The following CNNM1 variants were observed in gnomAD, a reference collection of about 807,000 sequenced individuals.
CNNM1 encodes cyclin and CBS domain divalent metal cation transport mediator 1.
A neutral mutation model predicts 78.8 loss-of-function variants in CNNM1; 44 were observed. That is an observed-to-expected ratio of 0.56 (90% CI 0.44 to 0.72). CNNM1 has a LOEUF of 0.72. CNNM1 is among the 30% of genes least tolerant of loss of function. The pLI, the probability that CNNM1 is intolerant of heterozygous loss-of-function variation, is 0.00. For missense variants in CNNM1, 1,101 were observed against 1,292.2 expected, an observed-to-expected ratio of 0.85 and a Z score of 2.27; for synonymous variants, 584 against 581.5, an observed-to-expected ratio of 1.00 and a Z score of -0.06.
chr10:99,364,750 C>T (rs2031555853), intron 5 of CNNM1, among the ~76,000 whole-genome samples: 1 of 152,090 alleles, frequency 6.6e-6, no homozygotes, highest in Non-Finnish European at 1.5e-5. Context: ...GTAATATTGT[C>T]AAGTGTTAGG....
At chr10:99,368,796 C>A in intron 6 of CNNM1, 2 of 616,586 alleles carry the variant, frequency 3.2e-6, no homozygotes, top group Non-Finnish European at 5.3e-6. Flanking sequence ...ACTCCTGTGA[C>A]TAAGGCATAG....
At position 99,329,522 on chromosome 10, in the gene CNNM1, G is replaced by A. The variant is rs942126643; in HGVS notation, c.135G>A (p.Leu45=). The change falls in exon 1 of 11, where the codon CTG becomes CTA. Residue 45 remains leucine (L), a synonymous_variant. Coordinates refer to ENST00000356713, the MANE Select transcript of CNNM1 (RefSeq NM_020348.3). ...PPAAAAWLLG[L]RPEDTAGGRV... ...CCGCCGCCGCCTGGCTGCTGGGCCT[G>A]CGGCCCGAGGACACTGCTGGAGGCC... is the stretch of plus-strand genomic sequence containing the variant. 11 of 1,509,838 alleles carry A rather than the reference G, an allele frequency of 7.3e-6. No individual in the cohort carries two copies. In the African/African-American group the frequency reaches 1.4e-4, roughly 20 times the overall value. The allele number at this position is 1,509,838 out of a possible 1,614,324, so 93.5% of individuals were successfully genotyped here.
rs1355852560 is a variant in CNNM1, at chr10:99,377,202, A to G, written c.2324A>G (p.Asp775Gly). The G allele has an allele frequency of 6.2e-7, 1 of 1,613,616 alleles. No homozygotes were observed. The highest frequency in any genetic ancestry group is 1.1e-5 in the South Asian group (1 of 90,924). The stretch of plus-strand genomic sequence containing the variant: ...GACTACTCAGTCCACATCCTCAGCG[A>G]TGTGCAGTTTGTGAAGGTAACTCCC... ...MPDYSVHILS[D>G]VQFVKITRQQ... Residue 775 changes from aspartate (D) to glycine (G), a missense_variant, in exon 7 of 11, where the codon GAT becomes GGT. Coordinates refer to ENST00000356713, the MANE Select transcript of CNNM1 (RefSeq NM_020348.3).
At chr10:99,365,203 T>C (rs2031573820) in intron 6 of CNNM1, 1 of 663,762 alleles carries the variant, frequency 1.5e-6, no homozygotes, top group African/African-American at 1.8e-5. Context: ...GTGTCTGGAA[T>C]GTTTTCTGCT....
intron 7 of CNNM1, among the ~76,000 whole-genome samples, chr10:99,381,473 G>T (rs183355566): frequency 7.0e-6 from 1 of 143,470 alleles, no homozygotes; most frequent in East Asian, 2.1e-4. Flanking sequence ...CAGGCGCGGT[G>T]GCTCACACCT....
At position 99,330,565 on chromosome 10, in the gene CNNM1, C is replaced by A; in HGVS notation, c.1178C>A (p.Thr393Lys). The A allele has an allele frequency of 6.2e-7, 1 of 1,607,224 alleles. No homozygotes were observed. The highest frequency in any genetic ancestry group is 8.5e-7 in the Non-Finnish European group (1 of 1,176,932). The change falls in exon 1 of 11, where the codon ACG becomes AAG. Residue 393 changes from threonine (T) to lysine (K), a missense_variant. Thr to Lys is a moderately conservative substitution (Grantham distance 78). Transcript: ENST00000356713. ...CGCCAGGAGATAAGCACCTTCTACA[C>A]GCGGGAGAAGTTGCTGGAGACGTTG... ...ALRQEISTFY[T>K]REKLLETLRA...
chr10:99,384,313 A>G (rs2032243411), intron 7 of CNNM1, among the ~76,000 whole-genome samples: 1 of 152,224 alleles, frequency 6.6e-6, no homozygotes, highest in Non-Finnish European at 1.5e-5. Flanking sequence ...TTAAGGCAAC[A>G]CATTGACATG....
At chr10:99,349,348 C>A (rs1184169160) in intron 1 of CNNM1, among the ~76,000 whole-genome samples, 5 of 151,980 alleles carry the variant, frequency 3.3e-5, no homozygotes, top group African/African-American at 1.2e-4. Context: ...CAACGTGCAG[C>A]CAGGGTCGAG....
rs1319410272 is a variant in CNNM1 at position 99,393,259 on chromosome 10, G to A, written c.*1743G>A. On this transcript the variant is annotated 3_prime_UTR_variant, in exon 11 of 11. Transcript: ENST00000356713. ...CCCCACACCCATTGAGTCATTCACA[G>A]GCAGGAGGGAGACTGATCATTCCTC... 1 of 152,426 alleles carries A rather than the reference G, an allele frequency of 6.6e-6. No individual in the cohort carries two copies. Among genetic ancestry groups the A allele is most frequent in the Admixed American group, 6.5e-5 (1 of 15,268 alleles). The allele number at this position is 152,426 out of a possible 1,614,324, so 9.4% of individuals were successfully genotyped here. A position where few individuals can be genotyped will look rare whatever the true frequency, so the allele number is the denominator to read the frequency against.
chr10:99,341,094 G>A (rs778947255), intron 1 of CNNM1, among the ~76,000 whole-genome samples: 2 of 152,172 alleles, frequency 1.3e-5, no homozygotes, highest in Non-Finnish European at 2.9e-5. Context: ...ACATATAATA[G>A]ATAGACTTGG....
chr10:99,385,512 T>G (rs1324740504), intron 7 of CNNM1, among the ~76,000 whole-genome samples: 1 of 152,214 alleles, frequency 6.6e-6, no homozygotes, highest in Admixed American at 6.5e-5. Context: ...GCATCAGCAA[T>G]TTAGACATAA....
chr10:99,336,235 A>G (rs1414603239), intron 1 of CNNM1, among the ~76,000 whole-genome samples: 1 of 152,232 alleles, frequency 6.6e-6, no homozygotes, highest in African/African-American at 2.4e-5. Flanking sequence ...CATCGTCCTA[A>G]GGCAACACAT....
intron 1 of CNNM1, among the ~76,000 whole-genome samples, chr10:99,351,427 G>A (rs2030943285): frequency 6.6e-6 from 1 of 152,178 alleles, no homozygotes; most frequent in Non-Finnish European, 1.5e-5. Context: ...TGGTAAACAG[G>A]TAGAGAGGAG....
Position 99,377,112 on chromosome 10 carries a change from A to G in CNNM1, c.2234A>G (p.Glu745Gly). Reference sequence around the variant, plus strand: ...AATCGCTCTGAGTCTCCAAACCGAGAGCGCAGTGACTTTGGGGGCAGCAAC... The same window carrying G: ...AATCGCTCTGAGTCTCCAAACCGAGGGCGCAGTGACTTTGGGGGCAGCAAC... The part of the protein sequence containing the change: ...GLNRSESPNR[E>G]RSDFGGSNTQ... Residue 745 changes from glutamate to glycine, a missense_variant, in exon 7 of 11, where the codon GAG becomes GGG. Transcript: ENST00000356713. 1 of 1,606,054 alleles carries G rather than the reference A, an allele frequency of 6.2e-7. No homozygotes were observed. The highest frequency in any genetic ancestry group is 8.5e-7 in the Non-Finnish European group (1 of 1,176,396).
chr10:99,365,582 G>T (rs1246204420), intron 6 of CNNM1, among the ~76,000 whole-genome samples: 1 of 152,200 alleles, frequency 6.6e-6, no homozygotes, highest in Non-Finnish European at 1.5e-5. Context: ...TGGCTGGTTT[G>T]CTCTGCCCTT....
chr10:99,372,626 T>C (rs1258957069), intron 6 of CNNM1, among the ~76,000 whole-genome samples: 1 of 152,206 alleles, frequency 6.6e-6, no homozygotes, highest in Non-Finnish European at 1.5e-5. Flanking sequence ...TAGTTTGCCA[T>C]GCTGCTAAGA....
Position 99,387,941 on chromosome 10 carries a change from C to T in CNNM1, c.2462C>T (p.Thr821Ile). 2 of 1,610,852 alleles carry T rather than the reference C, an allele frequency of 1.2e-6. No individual in the cohort carries two copies. Among genetic ancestry groups the T allele is most frequent in the African/African-American group, 1.3e-5 (1 of 74,904 alleles). Reference protein sequence around the residue: ...DSTKAPTTRGTPQTPKDDPAI... With the variant: ...DSTKAPTTRGIPQTPKDDPAI... Reference sequence around the variant, plus strand: ...ACTAAGGCCCCCACAACCCGGGGCACACCCCAGACCCCTAAGGATGACCCC... The same window carrying T: ...ACTAAGGCCCCCACAACCCGGGGCATACCCCAGACCCCTAAGGATGACCCC... The change falls in exon 8 of 11, where the codon ACA (threonine) becomes ATA (isoleucine). Residue 821 changes from threonine (T) to isoleucine (I), a missense_variant. Thr to Ile is a moderately conservative substitution (Grantham distance 89, BLOSUM62 -1). Coordinates refer to ENST00000356713, the MANE Select transcript of CNNM1 (RefSeq NM_020348.3).
At chr10:99,365,956 C>T (rs551049454) in intron 6 of CNNM1, among the ~76,000 whole-genome samples, 18 of 152,252 alleles carry the variant, frequency 1.2e-4, no homozygotes, top group South Asian at 1.0e-3. Flanking sequence ...AGTTGGTGAC[C>T]GGCCAAGATG....
chr10:99,391,328 G>C (rs986130704), intron 10 of CNNM1, 109 bp from the exon 11 acceptor site: 33 of 781,230 alleles, frequency 4.2e-5, no homozygotes, highest in Non-Finnish European at 6.4e-5. Context: ...AAGCTGTCAA[G>C]GGCTTTGTCT....
Sources: gnomAD v4.1 joint callset for allele counts (sites outside exome capture counted in the v4.1 genomes callset) on GRCh38, gnomAD v4.1.1 for gene constraint, MANE v1.5 for transcripts, NCBI Gene and HGNC (gene_info 2026-07-23, HGNC 2026-07-21) for gene names.